Variants in PDSS2 observed in about 807,000 individuals in gnomAD.
PDSS2 encodes decaprenyl diphosphate synthase subunit 2.
A neutral mutation model predicts 44.5 loss-of-function variants in PDSS2; 31 were observed. The ratio of observed to expected loss-of-function variants is 0.70; its 90% CI spans 0.52 to 0.94. PDSS2 has a LOEUF of 0.94. Among genes scored for constraint, PDSS2 ranks in the 40% least tolerant of loss-of-function variants. The pLI is 0.00. For synonymous variants in PDSS2, 157 were observed against 180.3 expected (o/e 0.87, Z 1.03); for missense variants, 452 against 482.2 (o/e 0.94, Z 0.59).
chr6:107,332,820 T>A (rs1457609737), intron 2 of PDSS2, among the ~76,000 whole-genome samples: 2 of 152,224 alleles, frequency 1.3e-5, no homozygotes, highest in Admixed American at 6.5e-5. Flanking sequence ...CTTAGTAACC[T>A]AAAAGCACTA....
At chr6:107,453,991 T>C (rs1286129260) in intron 1 of PDSS2, among the ~76,000 whole-genome samples, 4 of 152,056 alleles carry the variant, frequency 2.6e-5, no homozygotes, top group Non-Finnish European at 5.9e-5. Context: ...CTGTTAGATA[T>C]TTGTAAATAT....
chr6:107,325,699 G>A (rs1170903209), intron 2 of PDSS2, among the ~76,000 whole-genome samples: 1 of 151,994 alleles, frequency 6.6e-6, no homozygotes, highest in East Asian at 1.9e-4. Context: ...TACAGGATAG[G>A]GTTTCTAAGC....
intron 2 of PDSS2, among the ~76,000 whole-genome samples, chr6:107,319,812 G>A (rs181176177): frequency 4.9e-4 from 74 of 152,242 alleles, no homozygotes; most frequent in Admixed American, 4.8e-3. Context: ...TAATAATTTT[G>A]TATTATTACA....
At chr6:107,373,761 G>A (rs1476525814) in intron 1 of PDSS2, among the ~76,000 whole-genome samples, 1 of 152,186 alleles carries the variant, frequency 6.6e-6, no homozygotes, top group Non-Finnish European at 1.5e-5. Context: ...AAGCACAGAA[G>A]CTACGGTTCT....
chr6:107,237,934 CAGA>C (rs1743133328), intron 4 of PDSS2, among the ~76,000 whole-genome samples: 1 of 148,076 alleles, frequency 6.8e-6, no homozygotes, highest in African/African-American at 2.5e-5. Context: ...AATAAATGGA[CAGA>C]AGGACAGAAG....
intron 6 of PDSS2, among the ~76,000 whole-genome samples, chr6:107,195,045 G>T (rs1772508275): frequency 6.6e-6 from 1 of 152,070 alleles, no homozygotes; most frequent in Non-Finnish European, 1.5e-5. Flanking sequence ...AATTTCTCCT[G>T]CCACTTCTGC....
At chr6:107,450,721 A>G (rs1050298358) in intron 1 of PDSS2, among the ~76,000 whole-genome samples, 3 of 152,226 alleles carry the variant, frequency 2.0e-5, no homozygotes, top group African/African-American at 4.8e-5. Flanking sequence ...GACTGCCACA[A>G]ACATTTGTGT....
chr6:107,188,334 G>T (rs1772248424), intron 7 of PDSS2, among the ~76,000 whole-genome samples: 1 of 151,662 alleles, frequency 6.6e-6, no homozygotes, highest in Admixed American at 6.6e-5. Context: ...AGCTAAGGTT[G>T]TGCCACTGCA....
chr6:107,349,704 G>A (rs1778374121), intron 1 of PDSS2, among the ~76,000 whole-genome samples: 1 of 152,126 alleles, frequency 6.6e-6, no homozygotes, highest in Non-Finnish European at 1.5e-5. Flanking sequence ...AGCCGAGATC[G>A]TGCCATTGCA....
At chr6:107,190,796 G>A (rs1412583109) in intron 7 of PDSS2, among the ~76,000 whole-genome samples, 2 of 152,200 alleles carry the variant, frequency 1.3e-5, no homozygotes, top group Non-Finnish European at 2.9e-5. Context: ...GACCATGGGA[G>A]ATGAAGCTGG....
At chr6:107,363,196 T>A (rs1483364820) in intron 1 of PDSS2, among the ~76,000 whole-genome samples, 2 of 152,198 alleles carry the variant, frequency 1.3e-5, no homozygotes, top group Non-Finnish European at 2.9e-5. Context: ...ACTAACTCAA[T>A]ACAGGACAAA....
chr6:107,183,911 A>G (rs1382311761), intron 7 of PDSS2, among the ~76,000 whole-genome samples: 3 of 152,048 alleles, frequency 2.0e-5, no homozygotes, highest in Non-Finnish European at 4.4e-5. Flanking sequence ...AAAAGAGAGA[A>G]TCACTTGAAC....
intron 2 of PDSS2, among the ~76,000 whole-genome samples, chr6:107,323,393 C>T (rs1174628974): frequency 6.6e-6 from 1 of 152,094 alleles, no homozygotes; most frequent in East Asian, 1.9e-4. Context: ...TATTCTGGAC[C>T]ACAGGATAGT....
chr6:107,291,978 CA>C (rs1276284049), intron 2 of PDSS2, among the ~76,000 whole-genome samples: 12 of 152,276 alleles, frequency 7.9e-5, no homozygotes, highest in African/African-American at 2.9e-4. Flanking sequence ...CAGCTCTGAG[CA>C]CACACACTAA....
chr6:107,266,009 ACCT>A (rs1337032054), intron 3 of PDSS2, among the ~76,000 whole-genome samples: 4 of 152,066 alleles, frequency 2.6e-5, no homozygotes, highest in Admixed American at 1.3e-4. Flanking sequence ...ATTTATCGCC[ACCT>A]CCTCCTTCTA....
intron 4 of PDSS2, among the ~76,000 whole-genome samples, chr6:107,245,138 C>G (rs190921979): frequency 6.6e-6 from 1 of 152,074 alleles, no homozygotes; most frequent in African/African-American, 2.4e-5. Flanking sequence ...ATCCCACCTC[C>G]CCAACAGTCA....
chr6:107,188,391 A>T (rs1482515630), intron 7 of PDSS2, among the ~76,000 whole-genome samples: 1 of 151,922 alleles, frequency 6.6e-6, no homozygotes, highest in Non-Finnish European at 1.5e-5. Flanking sequence ...AAAAAAAAAA[A>T]ATTTAAATTT....
chr6:107,447,369 A>G (rs1781721325), intron 1 of PDSS2, among the ~76,000 whole-genome samples: 1 of 152,116 alleles, frequency 6.6e-6, no homozygotes, highest in Non-Finnish European at 1.5e-5. Context: ...AAGCAAGTGC[A>G]TTACTACCTA....
chr6:107,400,128 GCTTT>G (rs1359439055), intron 1 of PDSS2, among the ~76,000 whole-genome samples: 4 of 152,080 alleles, frequency 2.6e-5, no homozygotes, highest in African/African-American at 4.8e-5. Context: ...TCACAGGGGA[GCTTT>G]CTGACCCTAT....
Sources: allele counts gnomAD v4.1 joint callset (sites outside exome capture counted in the v4.1 genomes callset), GRCh38; gene constraint gnomAD v4.1.1; transcripts MANE v1.5; gene names NCBI Gene and HGNC (gene_info 2026-07-23, HGNC 2026-07-21).